Variants in GSG1L observed in about 807,000 individuals in gnomAD.
The protein encoded by GSG1L is GSG1 like, also known as germ cell-specific gene 1-like protein.
A neutral mutation model predicts 42.1 loss-of-function variants in GSG1L; 24 were observed. That is an observed-to-expected ratio of 0.57 (90% CI 0.41 to 0.80). The LOEUF (loss-of-function observed/expected upper bound fraction) is 0.80, where lower values mean the gene tolerates loss of function less well. GSG1L is among the 30% of genes least tolerant of loss of function. The pLI is 0.00. For missense variants in GSG1L, 445 were observed against 472.2 expected, an observed-to-expected ratio of 0.94 and a Z score of 0.53; for synonymous variants, 215 against 203.5, an observed-to-expected ratio of 1.06 and a Z score of -0.48.
intron 5 of GSG1L, among the ~76,000 whole-genome samples, chr16:27,827,685 G>A (rs1309093289): frequency 6.6e-6 from 1 of 152,146 alleles, no homozygotes; most frequent in Non-Finnish European, 1.5e-5. Flanking sequence ...AAGGTGTCTG[G>A]GAGGAGTTCT....
chr16:27,854,065 G>C (rs1276741925), intron 3 of GSG1L, among the ~76,000 whole-genome samples: 1 of 151,946 alleles, frequency 6.6e-6, no homozygotes, highest in Non-Finnish European at 1.5e-5. Flanking sequence ...ACATCCAGGT[G>C]TTCCAAGAAA....
At chr16:27,852,730 CG>C (rs2083529527) in intron 3 of GSG1L, among the ~76,000 whole-genome samples, 1 of 152,052 alleles carries the variant, frequency 6.6e-6, no homozygotes, top group Non-Finnish European at 1.5e-5. Flanking sequence ...CCTGAGGACC[CG>C]GGGCAGGAAT....
intron 6 of GSG1L, among the ~76,000 whole-genome samples, chr16:27,803,402 C>T (rs1249190604): frequency 6.6e-6 from 1 of 152,130 alleles, no homozygotes; most frequent in East Asian, 1.9e-4. Context: ...ATATGCTCTG[C>T]ACTGGTGCCC....
At chr16:28,046,741 C>T (rs1233477961) in intron 1 of GSG1L, among the ~76,000 whole-genome samples, 1 of 152,126 alleles carries the variant, frequency 6.6e-6, no homozygotes, top group Non-Finnish European at 1.5e-5. Context: ...GGCGCATCAG[C>T]CTTGTCCCTG....
chr16:27,840,793 T>A (rs1041714716), intron 4 of GSG1L, among the ~76,000 whole-genome samples: 10 of 152,200 alleles, frequency 6.6e-5, no homozygotes, highest in Admixed American at 3.9e-4. Context: ...CTTGAGATAG[T>A]CTCCCCAAGG....
intron 1 of GSG1L, among the ~76,000 whole-genome samples, chr16:27,992,322 C>T (rs905669557): frequency 7.9e-5 from 12 of 152,094 alleles, no homozygotes; most frequent in African/African-American, 2.9e-4. Context: ...GGTGAAACCT[C>T]GTCTCTACTA....
At position 27,850,963 on chromosome 16, in the gene GSG1L, G is replaced by A. The variant is rs936417576; in HGVS notation, c.551-5902C>T. Among the ~76,000 whole-genome samples, 7 of 152,162 alleles carry A rather than the reference G, an allele frequency of 4.6e-5. No homozygotes were observed. In the East Asian group the frequency reaches 9.7e-4, roughly 21 times the overall value. ...AGAGAATGTTAAACGCCGGGAAGGCGTTTTAACAATGGGAGATAGAGAATG... is the reference window on the plus strand; with the variant it reads ...AGAGAATGTTAAACGCCGGGAAGGCATTTTAACAATGGGAGATAGAGAATG... On this transcript the variant is annotated intron_variant, in intron 3 of 6. Coordinates refer to ENST00000447459, the MANE Select transcript of GSG1L (RefSeq NM_001109763.2).
At chr16:27,888,446 TTCTTTCTTTCTTTCTTTC>T (rs1400487765) in intron 2 of GSG1L, among the ~76,000 whole-genome samples, 7,891 of 35,360 alleles carry the variant, frequency 0.22, 780 homozygotes, top group South Asian at 0.45. Flanking sequence ...CTTTCTTTCT[TTCTTTCTTTCTTTCTTTC>T]TCTCTCTCTC....
At chr16:27,871,535 G>A (rs2083820443) in intron 3 of GSG1L, among the ~76,000 whole-genome samples, 2 of 152,102 alleles carry the variant, frequency 1.3e-5, no homozygotes, top group South Asian at 4.1e-4. Flanking sequence ...CTACTCAGGA[G>A]GTTGAGGTGG....
chr16:27,810,751 G>A (rs1325593203), intron 5 of GSG1L, among the ~76,000 whole-genome samples: 2 of 151,426 alleles, frequency 1.3e-5, no homozygotes, highest in Admixed American at 6.6e-5. Context: ...GCAGTGGTGC[G>A]ATCTCAGCTC....
chr16:28,007,476 G>GTGGTTGGTTGGTTGGTTGGT (rs772976295), intron 1 of GSG1L, among the ~76,000 whole-genome samples: 1 of 119,398 alleles, frequency 8.4e-6, no homozygotes, highest in Non-Finnish European at 1.7e-5. Context: ...GCATGTGTGT[G>GTGGTTGGTTGGTTGGTTGGT]TGGTTGGTTG....
At chr16:27,956,601 C>T (rs111288117) in intron 2 of GSG1L, among the ~76,000 whole-genome samples, 18 of 152,166 alleles carry the variant, frequency 1.2e-4, no homozygotes, top group Non-Finnish European at 5.9e-5. Flanking sequence ...TGGATATGAT[C>T]CAAACAAGGT....
intron 2 of GSG1L, among the ~76,000 whole-genome samples, chr16:27,890,865 G>T (rs1211180769): frequency 6.6e-6 from 1 of 152,230 alleles, no homozygotes; most frequent in African/African-American, 2.4e-5. Context: ...CATGTGGGAA[G>T]TGGGATTCCA....
At chr16:27,906,184 C>G (rs1156780246) in intron 2 of GSG1L, among the ~76,000 whole-genome samples, 1 of 151,920 alleles carries the variant, frequency 6.6e-6, no homozygotes, top group Non-Finnish European at 1.5e-5. Context: ...AAGAAACCAA[C>G]GTAGTTAAAA....
chr16:27,965,252 C>T (rs2085118054), intron 1 of GSG1L, among the ~76,000 whole-genome samples: 2 of 152,084 alleles, frequency 1.3e-5, no homozygotes, highest in Admixed American at 6.5e-5. Flanking sequence ...CTCCTGACCT[C>T]AAGTGATCTG....
chr16:27,820,017 C>G (rs2083134987), intron 5 of GSG1L, among the ~76,000 whole-genome samples: 1 of 152,000 alleles, frequency 6.6e-6, no homozygotes, highest in South Asian at 2.1e-4. Flanking sequence ...GCGGGAGGGT[C>G]ATGGGTGGTG....
At chr16:27,953,658 C>A (rs932947516) in intron 2 of GSG1L, among the ~76,000 whole-genome samples, 11 of 152,130 alleles carry the variant, frequency 7.2e-5, no homozygotes, top group African/African-American at 2.7e-4. Context: ...GTGGGCAGAT[C>A]ACTTGAGGTC....
chr16:27,839,863 A>G (rs572508183), intron 4 of GSG1L, among the ~76,000 whole-genome samples: 5 of 152,354 alleles, frequency 3.3e-5, no homozygotes, highest in Non-Finnish European at 1.5e-5. Flanking sequence ...CCCCGGCTGC[A>G]TGCAGTTCAC....
chr16:27,875,996 C>T lies in GSG1L; in HGVS notation c.550+8490G>A, dbSNP rs188910491. On this transcript the variant is annotated intron_variant, in intron 3 of 6. Coordinates refer to ENST00000447459, the MANE Select transcript of GSG1L (RefSeq NM_001109763.2). ...GCCCACCCCCTCCACTTTTCAATTA[C>T]TGAACCAACAGATTTCCAGCATGAT... Among the ~76,000 whole-genome samples, 14 of 152,330 alleles carry T rather than the reference C, an allele frequency of 9.2e-5. No individual in the cohort carries two copies. The East Asian group carries it at 2.7e-3, about 29-fold the overall frequency.
Sources: allele counts gnomAD v4.1 joint callset (sites outside exome capture counted in the v4.1 genomes callset), GRCh38; gene constraint gnomAD v4.1.1; transcripts MANE v1.5; gene names NCBI Gene and HGNC (gene_info 2026-07-23, HGNC 2026-07-21).